MYO1H: variants seen among roughly 807,000 people sequenced by gnomAD.
MYO1H encodes the protein unconventional myosin-Ih.
A neutral mutation model predicts 149.3 loss-of-function variants in MYO1H; 118 were observed. That is an observed-to-expected ratio of 0.79 (90% CI 0.68 to 0.92). MYO1H has a LOEUF of 0.92. Ranked by LOEUF, MYO1H falls within the 40% of genes least tolerant of loss-of-function variation. The probability of loss-of-function intolerance (pLI) is 0.00; values close to 1 mark genes in which losing one functional copy is unlikely to be tolerated. For missense variants in MYO1H, 1,212 were observed against 1,280.7 expected (o/e 0.95, Z 0.82); for synonymous variants, 447 against 465.2 (o/e 0.96, Z 0.50).
At chr12:109,347,749 G>A (rs1055631574), upstream of MYO1H, among the ~76,000 whole-genome samples, 1 of 152,040 alleles carries the variant, frequency 6.6e-6, no homozygotes, top group Non-Finnish European at 1.5e-5. Context: ...TATCTCCCTG[G>A]AGCAGCCCGG....
the MYO1H span, among the ~76,000 whole-genome samples, chr12:109,318,640 T>C: frequency 2.6e-5 from 4 of 152,116 alleles, no homozygotes; most frequent in Non-Finnish European, 5.9e-5. Flanking sequence ...CAACCCCAAG[T>C]TGAGGCACAT....
At chr12:109,446,942 G>A (rs767942430) in intron 31 of MYO1H, 88 of 613,084 alleles carry the variant, frequency 1.4e-4, no homozygotes, top group Non-Finnish European at 1.5e-4. Flanking sequence ...GGAGTCACAC[G>A]GAGTCCATCT....
chr12:109,427,324 A>T lies in MYO1H; in HGVS notation c.1832-145A>T. 5.8e-6 allele frequency: 3 copies of T among 518,236 alleles called. 1 individual carries two copies. In the South Asian group the frequency reaches 7.2e-5, roughly 13 times the overall value. 32.1% of individuals were successfully genotyped at this position (518,236 alleles called of 1,614,324 possible). ...AGAATGAAACCCCATCTCAAAAAAA[A>T]AAAAAAAAAAAAATTAAGACCTCAC... On this transcript the variant is annotated intron_variant, in intron 18 of 31. Coordinates refer to ENST00000310903, the Ensembl canonical transcript of MYO1H.
At chr12:109,411,753 C>A in intron 13 of MYO1H, 141 bp from the exon 14 acceptor site, 1 of 569,876 alleles carries the variant, frequency 1.8e-6, no homozygotes, top group Non-Finnish European at 3.1e-6. Flanking sequence ...AGCCCTTCTT[C>A]CCCCCAGAAT....
chr12:109,417,709 T>C (rs762966552), intron 15 of MYO1H, among the ~76,000 whole-genome samples: 11 of 152,240 alleles, frequency 7.2e-5, no homozygotes, highest in Non-Finnish European at 1.6e-4. Flanking sequence ...TCTAATGACC[T>C]ATGATATTAA....
At chr12:109,396,044 G>T (rs141807145) in intron 3 of MYO1H, among the ~76,000 whole-genome samples, 25 of 151,776 alleles carry the variant, frequency 1.6e-4, no homozygotes, top group Admixed American at 3.3e-4. Flanking sequence ...TCAGCCTCCC[G>T]AGTAGCTGGG....
intron 15 of MYO1H, among the ~76,000 whole-genome samples, chr12:109,419,082 C>T (rs998639481): frequency 6.6e-6 from 1 of 152,102 alleles, no homozygotes; most frequent in African/African-American, 2.4e-5. Flanking sequence ...AACTCAAATG[C>T]CTTTTACTCT....
chr12:109,365,136 T>G (rs183040614), intron 1 of MYO1H, among the ~76,000 whole-genome samples: 2 of 152,008 alleles, frequency 1.3e-5, no homozygotes. Context: ...CTTAGCTTGA[T>G]GTGGTAGTGT....
chr12:109,335,578 CAAAA>C, the MYO1H span, among the ~76,000 whole-genome samples: 4 of 148,548 alleles, frequency 2.7e-5, no homozygotes, highest in South Asian at 4.3e-4. Context: ...AACAAACAAA[CAAAA>C]AAAAAACTAA....
the MYO1H span, among the ~76,000 whole-genome samples, chr12:109,319,920 G>T: frequency 1.3e-5 from 2 of 152,090 alleles, no homozygotes; most frequent in South Asian, 2.1e-4. Context: ...AGAACAGATT[G>T]TTTTTGTTTT....
At chr12:109,440,877 T>C (rs543945280) in intron 25 of MYO1H, 50 bp downstream of exon 25, 2 of 1,349,660 alleles carry the variant, frequency 1.5e-6, no homozygotes, top group Admixed American at 4.0e-5. Flanking sequence ...GGTGTAAGAG[T>C]GGGTCCTGAG....
intron 6 of MYO1H, 64 bp from the exon 7 acceptor site, chr12:109,403,918 G>A (rs1411440182): frequency 9.2e-7 from 1 of 1,092,872 alleles, no homozygotes; most frequent in African/African-American, 1.5e-5. Context: ...CTTCAGAGAG[G>A]AATAGACATG....
the MYO1H span, among the ~76,000 whole-genome samples, chr12:109,313,463 T>C: frequency 6.6e-6 from 1 of 152,200 alleles, no homozygotes; most frequent in African/African-American, 2.4e-5. Context: ...AATACACTGG[T>C]CATTGATCTC....
chr12:109,316,477 C>T, the MYO1H span, among the ~76,000 whole-genome samples: 1 of 152,176 alleles, frequency 6.6e-6, no homozygotes, highest in African/African-American at 2.4e-5. Flanking sequence ...GAACGTGAAA[C>T]CAGGGCGTAT....
At chr12:109,404,848 CTTTTT>C (rs11286105) in intron 7 of MYO1H, among the ~76,000 whole-genome samples, 9 of 136,812 alleles carry the variant, frequency 6.6e-5, no homozygotes, top group Non-Finnish European at 1.4e-4. Flanking sequence ...ATCTTTTTGT[CTTTTT>C]TTTTTTTTTC....
chr12:109,367,934 A>G (rs560353660), intron 1 of MYO1H, among the ~76,000 whole-genome samples: 2 of 152,054 alleles, frequency 1.3e-5, no homozygotes, highest in African/African-American at 4.8e-5. Context: ...GCTCACTGCA[A>G]CCTCAAACTT....
In MYO1H at chr12:109,387,663, T is replaced by TG. The variant is rs893616300; in HGVS notation, c.13-1013dup. On this transcript the variant is annotated intron_variant, in intron 1 of 31. Transcript: ENST00000310903. ...TGTACATTCTGCTGCACGTGGTATG[T>TG]GGGGGGGACACACACTAACCGTGTG... Among the ~76,000 whole-genome samples the TG allele has an allele frequency of 3.3e-5, 5 of 152,270 alleles. No homozygotes were observed. In the South Asian group the frequency reaches 6.2e-4, roughly 19 times the overall value.
intron 1 of MYO1H, among the ~76,000 whole-genome samples, chr12:109,387,037 T>TGTGTA (rs1555249856): frequency 7.1e-6 from 1 of 141,210 alleles, no homozygotes; most frequent in African/African-American, 2.7e-5. Context: ...TGTGTGTGTG[T>TGTGTA]GTGTAGTGTA....
chr12:109,427,082 G>A (rs1871378294), intron 18 of MYO1H, among the ~76,000 whole-genome samples: 1 of 152,092 alleles, frequency 6.6e-6, no homozygotes, highest in Non-Finnish European at 1.5e-5. Flanking sequence ...TTGGGAGGCC[G>A]AGGCGGGTGG....
Sources: gnomAD v4.1 joint callset for allele counts (sites outside exome capture counted in the v4.1 genomes callset) on GRCh38, gnomAD v4.1.1 for gene constraint, MANE v1.5 for transcripts, NCBI Gene and HGNC (gene_info 2026-07-23, HGNC 2026-07-21) for gene names.